PRUNE2: variants seen among roughly 807,000 people sequenced by gnomAD.
PRUNE2 encodes prune homolog 2 with BCH domain, also known as protein prune homolog 2.
A neutral mutation model predicts 252.0 loss-of-function variants in PRUNE2; 164 were observed. That is an observed-to-expected ratio of 0.65 (90% CI 0.57 to 0.74). The LOEUF (loss-of-function observed/expected upper bound fraction) is 0.74, where lower values mean the gene tolerates loss of function less well. PRUNE2 is among the 30% of genes least tolerant of loss of function. The probability of loss-of-function intolerance (pLI) is 0.00; values close to 1 mark genes in which losing one functional copy is unlikely to be tolerated. For missense variants in PRUNE2, 3,495 were observed against 3,711.0 expected, an observed-to-expected ratio of 0.94 and a Z score of 1.51; for synonymous variants, 1,292 against 1,350.2, an observed-to-expected ratio of 0.96 and a Z score of 0.94.
chr9:76,725,429 A>G (rs769143964), intron 6 of PRUNE2, among the ~76,000 whole-genome samples: 1 of 152,208 alleles, frequency 6.6e-6, no homozygotes, highest in Non-Finnish European at 1.5e-5. Context: ...AGATATCCTG[A>G]TGGGTCTAAT....
intron 2 of PRUNE2, among the ~76,000 whole-genome samples, chr9:76,852,938 A>G (rs1167100454): frequency 1.3e-5 from 2 of 151,976 alleles, no homozygotes; most frequent in Non-Finnish European, 2.9e-5. Context: ...TATTATTGTT[A>G]TATCATTTTG....
chr9:76,684,855 A>T (rs889948650), intron 9 of PRUNE2, among the ~76,000 whole-genome samples: 2 of 152,032 alleles, frequency 1.3e-5, no homozygotes, highest in African/African-American at 4.8e-5. Flanking sequence ...GAGTTCAAGC[A>T]ATTCTTCTGC....
chr9:76,638,415 G>C, intron 12 of PRUNE2, 127 bp from the exon 13 acceptor site: 2 of 652,290 alleles, frequency 3.1e-6, no homozygotes, highest in Admixed American at 4.7e-5. Context: ...GCATGAAATG[G>C]GGATTATGTT....
intron 17 of PRUNE2, among the ~76,000 whole-genome samples, chr9:76,619,912 G>A (rs17062778): frequency 0.064 from 9,731 of 152,232 alleles, 790 homozygotes; most frequent in African/African-American, 0.18. Flanking sequence ...GCTGTGTCCA[G>A]GTGATACAAA....
chr9:76,828,498 T>C (rs1407674168), intron 4 of PRUNE2, among the ~76,000 whole-genome samples: 1 of 152,186 alleles, frequency 6.6e-6, no homozygotes, highest in Non-Finnish European at 1.5e-5. Flanking sequence ...ACATTTATGT[T>C]TTATAAGAAT....
chr9:76,812,093 A>C (rs2057391226), intron 6 of PRUNE2, among the ~76,000 whole-genome samples: 1 of 152,184 alleles, frequency 6.6e-6, no homozygotes, highest in Non-Finnish European at 1.5e-5. Context: ...ATAGTCCAGG[A>C]TGGTGAAAGC....
intron 4 of PRUNE2, among the ~76,000 whole-genome samples, chr9:76,832,235 C>T (rs985811875): frequency 4.6e-5 from 7 of 152,006 alleles, no homozygotes; most frequent in African/African-American, 1.7e-4. Flanking sequence ...AAATATAGAA[C>T]GTTTGACCAC....
chr9:76,691,843 G>A (rs2044765835), intron 9 of PRUNE2: 2 of 524,694 alleles, frequency 3.8e-6, no homozygotes, highest in African/African-American at 1.9e-5. Context: ...GAAAGGGGCG[G>A]GGACAGCATA....
Position 76,706,871 on chromosome 9 carries a change from TTGCCA to T in PRUNE2, c.5398_5402del (p.Trp1800AsnfsTer13), listed in dbSNP as rs1564099865. 3 of 1,594,966 alleles carry T rather than the reference TTGCCA, an allele frequency of 1.9e-6. No homozygotes were observed. In the South Asian group the frequency reaches 3.4e-5, roughly 18 times the overall value. On this transcript the variant is annotated frameshift_variant, in exon 8 of 19. Transcript: ENST00000376718. LOFTEE classifies it high-confidence loss of function. ...TTGGGAACGAAGCTTTGGGAGATATTTGCCATGCAACATCTCCTGTTGTCCCTGTT... is the reference window on the plus strand; with the variant it reads ...TTGGGAACGAAGCTTTGGGAGATATTTGCAACATCTCCTGTTGTCCCTGTT...
At chr9:76,860,989 CTAAG>C (rs2060515859) in intron 1 of PRUNE2, among the ~76,000 whole-genome samples, 1 of 152,140 alleles carries the variant, frequency 6.6e-6, no homozygotes, top group African/African-American at 2.4e-5. Context: ...TGCCACGATT[CTAAG>C]TAAGAAGACT....
At chr9:76,859,349 T>C (rs1382463473) in intron 1 of PRUNE2, among the ~76,000 whole-genome samples, 1 of 152,136 alleles carries the variant, frequency 6.6e-6, no homozygotes, top group Non-Finnish European at 1.5e-5. Context: ...CAATGGCCCA[T>C]TAAATGAAGC....
intron 9 of PRUNE2, among the ~76,000 whole-genome samples, chr9:76,698,140 G>A (rs925222592): frequency 4.6e-5 from 7 of 150,854 alleles, no homozygotes; most frequent in Non-Finnish European, 7.4e-5. Flanking sequence ...TCCGCCTCCT[G>A]GGTTCAAGCG....
At chr9:76,755,246 C>T (rs1321076152) in intron 6 of PRUNE2, among the ~76,000 whole-genome samples, 3 of 152,074 alleles carry the variant, frequency 2.0e-5, no homozygotes, top group East Asian at 1.9e-4. Context: ...GACTTTATCA[C>T]GTTCACACCA....
At chr9:76,805,883 C>G (rs2056899848) in intron 6 of PRUNE2, among the ~76,000 whole-genome samples, 2 of 152,194 alleles carry the variant, frequency 1.3e-5, no homozygotes, top group South Asian at 4.1e-4. Context: ...AGTATTTTCT[C>G]TCTCTGAGTC....
chr9:76,826,886 T>G (rs888951773), intron 4 of PRUNE2, among the ~76,000 whole-genome samples, 154 bp from the exon 5 acceptor site: 7 of 152,154 alleles, frequency 4.6e-5, no homozygotes, highest in African/African-American at 1.7e-4. Context: ...CAAGAGCCAA[T>G]TTTTAGAAAA....
intron 4 of PRUNE2, among the ~76,000 whole-genome samples, chr9:76,830,930 ATTTT>A (rs34591955): frequency 7.2e-6 from 1 of 138,522 alleles, no homozygotes; most frequent in Non-Finnish European, 1.5e-5. Context: ...AGTGAAAACA[ATTTT>A]TTTTTTTTTT....
intron 6 of PRUNE2, chr9:76,785,923 T>G (rs2054927751): frequency 6.6e-6 from 1 of 152,204 alleles, no homozygotes; most frequent in Non-Finnish European, 1.5e-5. Flanking sequence ...AAAAAAAGTT[T>G]GACTTCACAA....
intron 12 of PRUNE2, among the ~76,000 whole-genome samples, chr9:76,641,092 G>A (rs76638694): frequency 8.5e-5 from 13 of 152,246 alleles, no homozygotes; most frequent in South Asian, 2.1e-4. Context: ...ATGTTGCAGC[G>A]TCATGTTCAT....
chr9:76,798,450 AG>A lies in PRUNE2; in HGVS notation c.756+25181del, dbSNP rs1289358982. Among the ~76,000 whole-genome samples, 3 of 152,260 alleles carry A rather than the reference AG, an allele frequency of 2.0e-5. No individual in the cohort carries two copies. In the South Asian group the frequency reaches 6.2e-4, roughly 32 times the overall value. On this transcript the variant is annotated intron_variant, in intron 6 of 18. Transcript: ENST00000376718. ...AGTCCTCAAGGTTCATCCATGTTCT[AG>A]CGCGTGTCAGAATTTCCTTCCTATT...
Sources: allele counts gnomAD v4.1 joint callset (sites outside exome capture counted in the v4.1 genomes callset), GRCh38; gene constraint gnomAD v4.1.1; transcripts MANE v1.5; gene names NCBI Gene and HGNC (gene_info 2026-07-23, HGNC 2026-07-21).